TBC1D22B: variants seen among roughly 807,000 people sequenced by gnomAD.
TBC1D22B encodes the protein TBC1 domain family member 22B, also known as chromosome 6 open reading frame 197.
In TBC1D22B, 32 loss-of-function variants were observed where a neutral mutation model predicts 69.1. That is an observed-to-expected ratio of 0.46 (90% confidence interval 0.35 to 0.62). The LOEUF is 0.62. Ranked by LOEUF, TBC1D22B falls within the 20% of genes least tolerant of loss-of-function variation. The pLI, the probability that TBC1D22B is intolerant of heterozygous loss-of-function variation, is 0.00. For synonymous variants in TBC1D22B, 206 were observed against 229.8 expected (o/e 0.90, Z 0.94); for missense variants, 462 against 630.9 (o/e 0.73, Z 2.87).
At chr6:37,270,839 T>G (rs919828746) in intron 2 of TBC1D22B, among the ~76,000 whole-genome samples, 3 of 152,082 alleles carry the variant, frequency 2.0e-5, no homozygotes, top group Non-Finnish European at 4.4e-5. Context: ...TCCTTCACAG[T>G]CAATAGGGAA....
At chr6:37,316,275 C>T (rs560273761) in intron 10 of TBC1D22B, among the ~76,000 whole-genome samples, 5 of 152,258 alleles carry the variant, frequency 3.3e-5, no homozygotes, top group Non-Finnish European at 7.4e-5. Flanking sequence ...TGTTCACATC[C>T]CTGCTGGCTA....
intron 1 of TBC1D22B, among the ~76,000 whole-genome samples, chr6:37,263,225 G>C (rs1427560720): frequency 6.6e-6 from 1 of 152,298 alleles, no homozygotes; most frequent in East Asian, 1.9e-4. Flanking sequence ...AAATCTGCTT[G>C]GCATCATGGC....
intron 6 of TBC1D22B, among the ~76,000 whole-genome samples, chr6:37,285,023 C>A (rs1320317163): frequency 6.6e-6 from 1 of 152,150 alleles, no homozygotes; most frequent in Non-Finnish European, 1.5e-5. Flanking sequence ...TCTGTCATTG[C>A]CCATAATGGT....
rs115490490 is a variant in TBC1D22B at position 37,278,117 on chromosome 6, G to A, written c.114-1187G>A. On this transcript the variant is annotated intron_variant, in intron 2 of 12. Coordinates refer to ENST00000373491, the MANE Select transcript of TBC1D22B (RefSeq NM_017772.4). The stretch of plus-strand genomic sequence containing the variant: ...CCATCACTCCACCCTGGGTGACAGA[G>A]CAAGGCCCTGACTCTTAAAAGAAAA... Among the ~76,000 whole-genome samples the A allele has an allele frequency of 3.4e-3, 514 of 152,252 alleles. 1 individual carries two copies. Among genetic ancestry groups the A allele is most frequent in the Middle Eastern group, 6.8e-3 (2 of 294 alleles).
At chr6:37,299,294 A>G (rs1298384672) in intron 8 of TBC1D22B, among the ~76,000 whole-genome samples, 1 of 152,076 alleles carries the variant, frequency 6.6e-6, no homozygotes, top group Admixed American at 6.6e-5. Flanking sequence ...CTTTTTGTAT[A>G]TTAGATAAAT....
chr6:37,276,510 C>T (rs935835997), intron 2 of TBC1D22B, among the ~76,000 whole-genome samples: 6 of 152,184 alleles, frequency 3.9e-5, no homozygotes, highest in Non-Finnish European at 5.9e-5. Context: ...ACAGCCTTTT[C>T]TCCCTTCTTT....
chr6:37,294,595 T>G (rs1767298949), intron 8 of TBC1D22B, among the ~76,000 whole-genome samples: 1 of 152,192 alleles, frequency 6.6e-6, no homozygotes, highest in Admixed American at 6.5e-5. Flanking sequence ...CCGTGCTCAT[T>G]TACCATTCCA....
intron 10 of TBC1D22B, among the ~76,000 whole-genome samples, chr6:37,315,827 G>A (rs989093224): frequency 1.2e-4 from 18 of 152,040 alleles, no homozygotes; most frequent in African/African-American, 3.1e-4. Flanking sequence ...CGCCCACCTC[G>A]GCCTCCCTAA....
chr6:37,291,729 G>T (rs1767191700), intron 8 of TBC1D22B, among the ~76,000 whole-genome samples: 2 of 152,198 alleles, frequency 1.3e-5, no homozygotes, highest in South Asian at 2.1e-4. Flanking sequence ...TTCACTTGCT[G>T]TATCTTAGGA....
chr6:37,282,396 G>A (rs1473879708), intron 4 of TBC1D22B, 32 bp downstream of exon 4: 3 of 1,537,882 alleles, frequency 2.0e-6, no homozygotes, highest in Non-Finnish European at 1.7e-6. Context: ...CAAGGTAGGA[G>A]CTTTGGGTGA....
chr6:37,265,882 A>T (rs1259838653), intron 1 of TBC1D22B, among the ~76,000 whole-genome samples: 2 of 152,212 alleles, frequency 1.3e-5, no homozygotes, highest in African/African-American at 4.8e-5. Context: ...ATTTAAGAGC[A>T]TCCTTTAGGA....
At chr6:37,310,403 T>C (rs562672005) in intron 8 of TBC1D22B, among the ~76,000 whole-genome samples, 2 of 152,272 alleles carry the variant, frequency 1.3e-5, no homozygotes, top group African/African-American at 4.8e-5. Context: ...GCACGGTAGC[T>C]CACGCCTGTA....
rs1455013376 is a variant in TBC1D22B at position 37,279,234 on chromosome 6, A to C, written c.114-70A>C. On this transcript the variant is annotated intron_variant, in intron 2 of 12. Coordinates refer to ENST00000373491, the MANE Select transcript of TBC1D22B (RefSeq NM_017772.4). ...GTAGTTTGTAATTTATTAATATTACAATAATAAGCAAATGTAGGTGGTCAG... is the reference window on the plus strand; with the variant it reads ...GTAGTTTGTAATTTATTAATATTACCATAATAAGCAAATGTAGGTGGTCAG... The C allele has an allele frequency of 5.1e-6, 7 of 1,379,442 alleles. No homozygotes were observed. In the African/African-American group the frequency reaches 8.7e-5, roughly 17 times the overall value. 85.5% of individuals were successfully genotyped at this position (1,379,442 alleles called of 1,614,324 possible). A position where few individuals can be genotyped will look rare whatever the true frequency, so the allele number is the denominator to read the frequency against.
intron 12 of TBC1D22B, among the ~76,000 whole-genome samples, chr6:37,320,241 A>G (rs955498922): frequency 3.9e-5 from 6 of 152,148 alleles, no homozygotes; most frequent in Non-Finnish European, 1.5e-5. Flanking sequence ...ACAGTGGTTA[A>G]ACCATGGTCT....
intron 6 of TBC1D22B, among the ~76,000 whole-genome samples, chr6:37,284,976 A>G (rs534958577): frequency 1.3e-5 from 2 of 152,324 alleles, no homozygotes; most frequent in South Asian, 2.1e-4. Flanking sequence ...CTGTGACTGT[A>G]GGAGCTGTAG....
chr6:37,282,871 T>G lies in TBC1D22B; in HGVS notation c.602-11T>G. On this transcript the variant is annotated splice_polypyrimidine_tract_variant and intron_variant, in intron 4 of 12. Transcript: ENST00000373491. ...GAGAGTTAACCTAACAAGGCTGTTT[T>G]CTATTTACAGATGAACTGAGGAAGT... is the stretch of plus-strand genomic sequence containing the variant. 6.2e-7 allele frequency: 1 copy of G among 1,614,076 alleles called. No homozygotes were observed. Among genetic ancestry groups the G allele is most frequent in the South Asian group, 1.1e-5 (1 of 91,080 alleles).
intron 3 of TBC1D22B, 87 bp downstream of exon 3, chr6:37,279,698 C>G (rs1406945040): frequency 7.3e-7 from 1 of 1,361,446 alleles, no homozygotes. Flanking sequence ...GGGCCTCACT[C>G]AGGTAGATAT....
At chr6:37,311,860 C>G (rs1767921169) in intron 8 of TBC1D22B, among the ~76,000 whole-genome samples, 1 of 152,192 alleles carries the variant, frequency 6.6e-6, no homozygotes, top group African/African-American at 2.4e-5. Context: ...TGGCCTCTGA[C>G]AGGCATACAC....
chr6:37,324,355 G>A (rs750909790), intron 12 of TBC1D22B: 13 of 456,596 alleles, frequency 2.8e-5, no homozygotes, highest in Non-Finnish European at 5.7e-5. Context: ...GGAAGAGGTG[G>A]CACCGATGAT....
Sources: allele counts gnomAD v4.1 joint callset (sites outside exome capture counted in the v4.1 genomes callset), GRCh38; gene constraint gnomAD v4.1.1; transcripts MANE v1.5; gene names NCBI Gene and HGNC (gene_info 2026-07-23, HGNC 2026-07-21).